ATP2C1: variants seen among roughly 807,000 people sequenced by gnomAD.
ATP2C1 encodes the protein calcium-transporting ATPase type 2C member 1.
A neutral mutation model predicts 120.5 loss-of-function variants in ATP2C1; 31 were observed. That is an observed-to-expected ratio of 0.26 (90% CI 0.19 to 0.35). The LOEUF is 0.35. Ranked by LOEUF, ATP2C1 falls within the 10% of genes least tolerant of loss-of-function variation. The pLI is 1.00. For missense variants in ATP2C1, 731 were observed against 1,107.5 expected (o/e 0.66, Z 4.83); for synonymous variants, 351 against 358.7 (o/e 0.98, Z 0.24).
intron 26 of ATP2C1, among the ~76,000 whole-genome samples, chr3:131,015,722 T>TA (rs35694987): frequency 9.9e-5 from 15 of 151,046 alleles, no homozygotes; most frequent in African/African-American, 1.5e-4. Context: ...GAAATGCAAT[T>TA]AAAAAAAAAT....
At chr3:130,981,218 G>A (rs1242781610) in intron 20 of ATP2C1, among the ~76,000 whole-genome samples, 1 of 151,962 alleles carries the variant, frequency 6.6e-6, no homozygotes, top group Non-Finnish European at 1.5e-5. Context: ...CTACTTCCAG[G>A]ACTTGGCAGC....
chr3:130,976,466 G>A (rs1031592801), intron 18 of ATP2C1, among the ~76,000 whole-genome samples: 3 of 152,124 alleles, frequency 2.0e-5, no homozygotes, highest in African/African-American at 4.8e-5. Flanking sequence ...GATATGGGCT[G>A]TATTGTGACC....
At chr3:131,015,636 T>A (rs2109071608) in intron 26 of ATP2C1, among the ~76,000 whole-genome samples, 1 of 152,272 alleles carries the variant, frequency 6.6e-6, no homozygotes, top group South Asian at 2.1e-4. Flanking sequence ...TGAGATTCTG[T>A]TTTTGTCCCT....
At chr3:130,993,025 T>C in intron 21 of ATP2C1, 24 bp downstream of exon 21, 1 of 1,600,518 alleles carries the variant, frequency 6.2e-7, no homozygotes, top group Non-Finnish European at 8.6e-7. Context: ...AATCAGATTG[T>C]TTTATTTCTG....
chr3:130,927,586 AG>A (rs1232382475), intron 2 of ATP2C1, among the ~76,000 whole-genome samples: 1 of 152,164 alleles, frequency 6.6e-6, no homozygotes. Flanking sequence ...CCTTGGGGAA[AG>A]ATGAAGGATT....
intron 2 of ATP2C1, among the ~76,000 whole-genome samples, chr3:130,900,730 C>G (rs577846869): frequency 3.9e-4 from 59 of 152,330 alleles, no homozygotes; most frequent in African/African-American, 1.3e-3. Context: ...CATAAACGTT[C>G]TGTTATTCTC....
intron 1 of ATP2C1, among the ~76,000 whole-genome samples, chr3:130,885,017 T>C (rs2068924770): frequency 1.4e-5 from 2 of 145,600 alleles, no homozygotes; most frequent in Non-Finnish European, 3.0e-5. Context: ...CATTGCAACC[T>C]CCGCCTCCTG....
intron 2 of ATP2C1, among the ~76,000 whole-genome samples, chr3:130,902,637 T>C (rs76536723): frequency 0.026 from 3,878 of 152,066 alleles, 179 homozygotes; most frequent in African/African-American, 0.089. Context: ...TGTACTGAAT[T>C]TTATTTCTCA....
chr3:130,982,560 A>C (rs1014305424), intron 20 of ATP2C1, among the ~76,000 whole-genome samples: 4 of 152,210 alleles, frequency 2.6e-5, no homozygotes, highest in Admixed American at 6.5e-5. Flanking sequence ...TAGTTAACTT[A>C]TATATGCACA....
At chr3:131,012,297 AC>A (rs2063351780) in intron 26 of ATP2C1, among the ~76,000 whole-genome samples, 1 of 131,892 alleles carries the variant, frequency 7.6e-6, no homozygotes, top group South Asian at 2.3e-4. Context: ...TTGCTCTGTC[AC>A]CCAGGCTGGA....
rs1293584036 is a variant in ATP2C1, at chr3:130,978,278, A to AT, written c.1571-963dup. ...ATAGAATTACTTGCTTTTAACCTTG[A>AT]TTTTTTTTGAGCATATGTAATCTTT... On this transcript the variant is annotated intron_variant, in intron 18 of 27. Coordinates refer to ENST00000510168, the MANE Select transcript of ATP2C1 (RefSeq NM_001378687.1). 5.3e-5 allele frequency among the ~76,000 whole-genome samples: 8 copies of AT among 151,958 alleles called. No homozygotes were observed. In the East Asian group the frequency reaches 7.7e-4, roughly 15 times the overall value.
At chr3:130,939,842 A>T (rs188453404) in intron 6 of ATP2C1, among the ~76,000 whole-genome samples, 1 of 152,316 alleles carries the variant, frequency 6.6e-6, no homozygotes, top group African/African-American at 2.4e-5. Context: ...CACTGCAGTC[A>T]TTTCAAAACA....
chr3:130,894,894 T>C lies in ATP2C1; in HGVS notation c.6+119T>C, dbSNP rs2069457263. On this transcript the variant is annotated intron_variant, in intron 2 of 27. Transcript: ENST00000510168. The surrounding 1 kb of genome is among the most constrained non-coding windows in gnomAD (Gnocchi z 4.5). ...TGAGCTTATTTATTTACTGTGTATGTGAAGTGTCCAAGGATTTGCTTACTT... is the reference window on the plus strand; with the variant it reads ...TGAGCTTATTTATTTACTGTGTATGCGAAGTGTCCAAGGATTTGCTTACTT... The C allele has an allele frequency of 1.8e-6, 2 of 1,105,398 alleles. No individual in the cohort carries two copies. Among genetic ancestry groups the C allele is most frequent in the Non-Finnish European group, 2.8e-6 (2 of 717,066 alleles). The allele number at this position is 1,105,398 out of a possible 1,614,324, so 68.5% of individuals were successfully genotyped here.
chr3:130,858,228 A>T (rs537314786), intron 1 of ATP2C1, among the ~76,000 whole-genome samples: 1 of 152,040 alleles, frequency 6.6e-6, no homozygotes, highest in African/African-American at 2.4e-5. Flanking sequence ...CAATACCCTC[A>T]TAGACACATC....
intron 2 of ATP2C1, among the ~76,000 whole-genome samples, chr3:130,910,215 A>G (rs2058333466): frequency 6.6e-6 from 1 of 151,248 alleles, no homozygotes; most frequent in Admixed American, 6.6e-5. Context: ...AGCAATTGTG[A>G]ATGGGAGTTC....
chr3:130,935,727 A>G (rs1029966418), intron 5 of ATP2C1, among the ~76,000 whole-genome samples: 1 of 152,236 alleles, frequency 6.6e-6, no homozygotes, highest in Non-Finnish European at 1.5e-5. Flanking sequence ...GAGTAATGGC[A>G]CCCAACTTTG....
At chr3:130,908,287 A>T (rs2058233994) in intron 2 of ATP2C1, among the ~76,000 whole-genome samples, 1 of 152,154 alleles carries the variant, frequency 6.6e-6, no homozygotes, top group Non-Finnish European at 1.5e-5. Context: ...AACATTTGTA[A>T]TACCAAAAGA....
chr3:131,011,701 T>C (rs970417887), intron 26 of ATP2C1, among the ~76,000 whole-genome samples: 1 of 152,250 alleles, frequency 6.6e-6, no homozygotes, highest in Non-Finnish European at 1.5e-5. Flanking sequence ...GTATTCAGTC[T>C]GCACTTTGCC....
intron 5 of ATP2C1, among the ~76,000 whole-genome samples, chr3:130,935,082 C>T (rs2059610096): frequency 6.6e-6 from 1 of 152,130 alleles, no homozygotes; most frequent in Non-Finnish European, 1.5e-5. Flanking sequence ...ATTCTCCCAC[C>T]TTGACCTCCC....
Sources: allele counts gnomAD v4.1 joint callset (sites outside exome capture counted in the v4.1 genomes callset), GRCh38; gene constraint gnomAD v4.1.1; non-coding constraint Gnocchi (gnomAD v3.1); transcripts MANE v1.5; gene names NCBI Gene and HGNC (gene_info 2026-07-23, HGNC 2026-07-21).